SLC24A3: variants seen among roughly 807,000 people sequenced by gnomAD.
SLC24A3 encodes sodium/potassium/calcium exchanger 3.
Under a neutral mutation model 75.8 loss-of-function variants are expected in SLC24A3, and 28 were observed. The observed-to-expected ratio is 0.37, with a 90% confidence interval of 0.27 to 0.51. The LOEUF (loss-of-function observed/expected upper bound fraction) is 0.51, where lower values mean the gene tolerates loss of function less well. Ranked by LOEUF, SLC24A3 falls within the 20% of genes least tolerant of loss-of-function variation. The pLI is 0.94. For missense variants in SLC24A3, 663 were observed against 847.8 expected (o/e 0.78, Z 2.71); for synonymous variants, 372 against 334.1 (o/e 1.11, Z -1.24).
At chr20:19,257,888 A>C (rs1219063522) in intron 1 of SLC24A3, among the ~76,000 whole-genome samples, 5 of 152,110 alleles carry the variant, frequency 3.3e-5, no homozygotes, top group African/African-American at 9.7e-5. Flanking sequence ...TGCAGTGGGG[A>C]GATCATAGCT....
intron 2 of SLC24A3, among the ~76,000 whole-genome samples, chr20:19,378,417 G>C (rs1986124329): frequency 6.6e-6 from 1 of 152,176 alleles, no homozygotes; most frequent in Non-Finnish European, 1.5e-5. Flanking sequence ...AATTAGTCCT[G>C]CATGGAAAAT....
chr20:19,253,175 A>G (rs1219458182), intron 1 of SLC24A3, among the ~76,000 whole-genome samples: 3 of 152,114 alleles, frequency 2.0e-5, no homozygotes, highest in Non-Finnish European at 4.4e-5. Flanking sequence ...AGAGGAGGGG[A>G]CAGACCTAAA....
intron 3 of SLC24A3, among the ~76,000 whole-genome samples, chr20:19,534,430 T>TTTTGA (rs373019537): frequency 0.013 from 1,958 of 150,694 alleles, 48 homozygotes; most frequent in African/African-American, 0.038. Context: ...TTTTGTTTTG[T>TTTTGA]GACGGAGTCT....
At chr20:19,685,509 G>T (rs764847957) in intron 12 of SLC24A3, 148 bp downstream of exon 12, 30 of 1,336,550 alleles carry the variant, frequency 2.2e-5, no homozygotes, top group Non-Finnish European at 2.8e-5. Flanking sequence ...CTTTGGGCAG[G>T]ACTTTGTTGT....
chr20:19,471,266 C>T (rs764281714), intron 2 of SLC24A3, among the ~76,000 whole-genome samples: 5 of 152,170 alleles, frequency 3.3e-5, no homozygotes, highest in Non-Finnish European at 5.9e-5. Flanking sequence ...CCCAGATTTG[C>T]CCAGTCTTCG....
At chr20:19,263,697 A>T in intron 1 of SLC24A3, among the ~76,000 whole-genome samples, 1 of 151,894 alleles carries the variant, frequency 6.6e-6, no homozygotes, top group Non-Finnish European at 1.5e-5. Context: ...GAGGGCATGG[A>T]TCTATCTTTC....
chr20:19,308,021 T>C (rs1984372244), intron 2 of SLC24A3, among the ~76,000 whole-genome samples: 1 of 152,176 alleles, frequency 6.6e-6, no homozygotes, highest in Admixed American at 6.5e-5. Context: ...TTAACCATAC[T>C]TGACCTCATG....
chr20:19,545,919 G>C (rs2030580835), intron 3 of SLC24A3, among the ~76,000 whole-genome samples: 1 of 152,006 alleles, frequency 6.6e-6, no homozygotes, highest in African/African-American at 2.4e-5. Flanking sequence ...CAGCACTTTG[G>C]GAGGCCGAGG....
chr20:19,297,085 C>T (rs929924008), intron 2 of SLC24A3, among the ~76,000 whole-genome samples: 6 of 152,124 alleles, frequency 3.9e-5, no homozygotes, highest in African/African-American at 1.4e-4. Context: ...CACCTAGGTT[C>T]TATAGTTTAC....
At chr20:19,370,053 C>G (rs1985965463) in intron 2 of SLC24A3, among the ~76,000 whole-genome samples, 1 of 152,074 alleles carries the variant, frequency 6.6e-6, no homozygotes, top group Non-Finnish European at 1.5e-5. Context: ...GAAATCTAAG[C>G]TTTTTCCCAT....
chr20:19,543,680 C>T (rs1338583103), intron 3 of SLC24A3, among the ~76,000 whole-genome samples: 1 of 152,184 alleles, frequency 6.6e-6, no homozygotes, highest in Non-Finnish European at 1.5e-5. Context: ...GCATCTTGGG[C>T]TCTAGGATGA....
intron 13 of SLC24A3, 78 bp from the exon 14 acceptor site, chr20:19,696,719 G>T: frequency 2.1e-6 from 2 of 937,024 alleles, no homozygotes; most frequent in Non-Finnish European, 1.7e-6. Flanking sequence ...AGCCTGTTGT[G>T]AGTCTCCATC....
intron 3 of SLC24A3, among the ~76,000 whole-genome samples, chr20:19,525,168 A>C (rs1185987149): frequency 6.6e-6 from 1 of 152,106 alleles, no homozygotes; most frequent in East Asian, 1.9e-4. Context: ...TCCAGATAGG[A>C]GTTTCAAGCT....
intron 2 of SLC24A3, among the ~76,000 whole-genome samples, chr20:19,314,690 C>T (rs1216515546): frequency 6.6e-6 from 1 of 152,202 alleles, no homozygotes; most frequent in South Asian, 2.1e-4. Context: ...GGAGTTGCTG[C>T]GGAAGCTTCT....
intron 2 of SLC24A3, among the ~76,000 whole-genome samples, chr20:19,331,389 TAGA>T (rs1984996008): frequency 6.6e-6 from 1 of 151,990 alleles, no homozygotes; most frequent in Non-Finnish European, 1.5e-5. Flanking sequence ...GGTAGGTAGG[TAGA>T]TAGAGTAGAT....
At chr20:19,295,445 A>T (rs781162637) in intron 2 of SLC24A3, among the ~76,000 whole-genome samples, 3 of 152,274 alleles carry the variant, frequency 2.0e-5, no homozygotes, top group South Asian at 2.1e-4. Context: ...TTTTAAGGGG[A>T]ATGCTTCCAG....
At chr20:19,546,867 G>C (rs115067557) in intron 3 of SLC24A3, among the ~76,000 whole-genome samples, 1,968 of 152,170 alleles carry the variant, frequency 0.013, 45 homozygotes, top group African/African-American at 0.045. Context: ...CATCCCCCAC[G>C]CCTTCCCTTT....
intron 2 of SLC24A3, among the ~76,000 whole-genome samples, chr20:19,469,385 G>C (rs1333159993): frequency 6.6e-6 from 1 of 152,148 alleles, no homozygotes; most frequent in Non-Finnish European, 1.5e-5. Context: ...TTTAGGCTTG[G>C]AGACACTGTT....
intron 3 of SLC24A3, among the ~76,000 whole-genome samples, chr20:19,529,171 ATGTGTGTATATATGTG>A (rs895900119): frequency 9.9e-4 from 151 of 152,268 alleles, no homozygotes; most frequent in African/African-American, 3.4e-3. Flanking sequence ...AAATACATGT[ATGTGTGTATATATGTG>A]TGTGTGTATA....
Sources: allele counts gnomAD v4.1 joint callset (sites outside exome capture counted in the v4.1 genomes callset), GRCh38; gene constraint gnomAD v4.1.1; transcripts MANE v1.5; gene names NCBI Gene and HGNC (gene_info 2026-07-23, HGNC 2026-07-21).